GALNT17: variants seen among roughly 807,000 people sequenced by gnomAD.
The protein encoded by GALNT17 is polypeptide N-acetylgalactosaminyltransferase 17, also known as UDP-GalNAc:polypeptide N-acetylgalactosaminyltransferase-like 3.
Under a neutral mutation model 63.7 loss-of-function variants are expected in GALNT17, and 29 were observed. That is an observed-to-expected ratio of 0.46 (90% CI 0.34 to 0.62). GALNT17 has a LOEUF of 0.62. Ranked by LOEUF, GALNT17 falls within the 20% of genes least tolerant of loss-of-function variation. The pLI, the probability that GALNT17 is intolerant of heterozygous loss-of-function variation, is 0.01. For synonymous variants in GALNT17, 305 were observed against 318.3 expected, an observed-to-expected ratio of 0.96 and a Z score of 0.45; for missense variants, 603 against 799.6, an observed-to-expected ratio of 0.75 and a Z score of 2.97.
At chr7:71,262,956 C>T (rs979968246) in intron 1 of GALNT17, among the ~76,000 whole-genome samples, 6 of 152,006 alleles carry the variant, frequency 3.9e-5, no homozygotes, top group African/African-American at 1.5e-4. Context: ...ACTGGGATTA[C>T]AGGCATGAGA....
At chr7:71,424,994 A>AT (rs543073570) in intron 5 of GALNT17, among the ~76,000 whole-genome samples, 58 of 151,792 alleles carry the variant, frequency 3.8e-4, no homozygotes, top group South Asian at 3.7e-3. Flanking sequence ...ATATATTAAT[A>AT]TTTTTTTTGT....
At chr7:71,162,087 TCCTCCCTC>T (rs370121343) in intron 1 of GALNT17, among the ~76,000 whole-genome samples, 1 of 99,384 alleles carries the variant, frequency 1.0e-5, no homozygotes, top group Non-Finnish European at 2.0e-5. Context: ...CTTCTTTCCT[TCCTCCCTC>T]CCTCCCTTCC....
intron 9 of GALNT17, among the ~76,000 whole-genome samples, chr7:71,698,914 G>A (rs1791584415): frequency 6.6e-6 from 1 of 152,090 alleles, no homozygotes; most frequent in Non-Finnish European, 1.5e-5. Context: ...GCTCACGCCT[G>A]TAATCCCAGC....
chr7:71,356,535 G>A (rs1197501258), intron 2 of GALNT17, among the ~76,000 whole-genome samples: 2 of 152,160 alleles, frequency 1.3e-5, no homozygotes, highest in African/African-American at 4.8e-5. Context: ...ATTGCATGGT[G>A]AGAGTGGAAG....
chr7:71,264,843 T>C (rs62457815), intron 1 of GALNT17, among the ~76,000 whole-genome samples: 18,208 of 151,484 alleles, frequency 0.12, 1,229 homozygotes, highest in South Asian at 0.21. Context: ...ATGGCAGGGG[T>C]AGGGTTCGTA....
chr7:71,371,230 A>T (rs1420234335), intron 2 of GALNT17, among the ~76,000 whole-genome samples: 1 of 152,112 alleles, frequency 6.6e-6, no homozygotes, highest in Non-Finnish European at 1.5e-5. Flanking sequence ...TTGCAATATG[A>T]TTTTGTCAGC....
chr7:71,416,104 A>C, intron 4 of GALNT17, 41 bp downstream of exon 4: 1 of 1,567,670 alleles, frequency 6.4e-7, no homozygotes, highest in African/African-American at 1.4e-5. Context: ...CAAGACCTGC[A>C]TTGTGGTTGA....
chr7:71,586,752 T>G (rs1789724700), intron 6 of GALNT17, among the ~76,000 whole-genome samples: 2 of 152,144 alleles, frequency 1.3e-5, no homozygotes, highest in African/African-American at 4.8e-5. Flanking sequence ...ACATAATAGA[T>G]GTACATATTT....
intron 1 of GALNT17, among the ~76,000 whole-genome samples, chr7:71,292,803 G>A (rs987399138): frequency 4.0e-5 from 6 of 151,770 alleles, no homozygotes; most frequent in African/African-American, 1.5e-4. Context: ...TAGATCTTCA[G>A]AAATTGTTTG....
intron 1 of GALNT17, among the ~76,000 whole-genome samples, chr7:71,323,081 C>T (rs573949452): frequency 4.0e-4 from 60 of 151,880 alleles, no homozygotes; most frequent in African/African-American, 1.4e-3. Context: ...TTGATAATGT[C>T]TTGTAATATT....
At chr7:71,439,128 A>C (rs2116512016) in intron 5 of GALNT17, among the ~76,000 whole-genome samples, 1 of 152,152 alleles carries the variant, frequency 6.6e-6, no homozygotes, top group East Asian at 1.9e-4. Flanking sequence ...GCCTCAAGTG[A>C]TCCTCCCACC....
chr7:71,335,169 T>A (rs1246880594), intron 1 of GALNT17, among the ~76,000 whole-genome samples: 1 of 152,154 alleles, frequency 6.6e-6, no homozygotes, highest in Non-Finnish European at 1.5e-5. Flanking sequence ...TCTTGCTCTA[T>A]TGCCCAGGCT....
intron 1 of GALNT17, among the ~76,000 whole-genome samples, chr7:71,292,258 G>T (rs752411534): frequency 1.2e-4 from 19 of 152,106 alleles, no homozygotes; most frequent in Non-Finnish European, 4.4e-5. Flanking sequence ...CCACAGGTAG[G>T]CAAGTGACAG....
At chr7:71,513,694 A>ATT (rs34808889) in intron 5 of GALNT17, among the ~76,000 whole-genome samples, 1 of 146,970 alleles carries the variant, frequency 6.8e-6, no homozygotes, top group African/African-American at 2.5e-5. Flanking sequence ...CCCCTTGGCT[A>ATT]TTTTTTTTTT....
intron 6 of GALNT17, among the ~76,000 whole-genome samples, chr7:71,610,494 T>TA: frequency 6.7e-6 from 1 of 150,328 alleles, no homozygotes; most frequent in Admixed American, 6.6e-5. Flanking sequence ...TAAAAGAAAA[T>TA]AAAAAATTTT....
intron 1 of GALNT17, chr7:71,300,462 C>T: frequency 4.4e-6 from 2 of 456,064 alleles, no homozygotes; most frequent in Non-Finnish European, 8.8e-6. Flanking sequence ...GAATCACTGA[C>T]TGGGGGATGT....
chr7:71,617,924 G>A (rs1305925645), intron 6 of GALNT17, among the ~76,000 whole-genome samples: 1 of 152,072 alleles, frequency 6.6e-6, no homozygotes, highest in African/African-American at 2.4e-5. Context: ...TGGGATTAGA[G>A]GTATGAGCCA....
intron 5 of GALNT17, among the ~76,000 whole-genome samples, chr7:71,553,200 G>C (rs1380563806): frequency 1.3e-5 from 2 of 152,032 alleles, no homozygotes; most frequent in Admixed American, 6.6e-5. Context: ...AGTGGTATGT[G>C]CCTGTAGTCC....
chr7:71,695,449 C>T (rs2117102798), intron 9 of GALNT17, among the ~76,000 whole-genome samples: 1 of 152,324 alleles, frequency 6.6e-6, no homozygotes, highest in East Asian at 1.9e-4. Flanking sequence ...CCCCCAGGAG[C>T]TGGCCCTCTC....
Sources: allele counts gnomAD v4.1 joint callset (sites outside exome capture counted in the v4.1 genomes callset), GRCh38; gene constraint gnomAD v4.1.1; transcripts MANE v1.5; gene names NCBI Gene and HGNC (gene_info 2026-07-23, HGNC 2026-07-21).